The following HECTD2 variants were observed in gnomAD, a reference collection of about 807,000 sequenced individuals.
The protein encoded by HECTD2 is HECT domain E3 ubiquitin protein ligase 2, also known as probable E3 ubiquitin-protein ligase HECTD2.
Under a neutral mutation model 103.2 loss-of-function variants are expected in HECTD2, and 35 were observed. The observed-to-expected ratio is 0.34, with a 90% confidence interval of 0.26 to 0.45. The LOEUF is 0.45. Among genes scored for constraint, HECTD2 ranks in the 20% least tolerant of loss-of-function variants. The probability of loss-of-function intolerance (pLI) is 1.00; values close to 1 mark genes in which losing one functional copy is unlikely to be tolerated. For synonymous variants in HECTD2, 281 were observed against 329.9 expected (o/e 0.85, Z 1.61); for missense variants, 596 against 937.4 (o/e 0.64, Z 4.76).
At chr10:91,456,236 C>A (rs1282138308) in intron 2 of HECTD2, among the ~76,000 whole-genome samples, 4 of 152,100 alleles carry the variant, frequency 2.6e-5, no homozygotes, top group Non-Finnish European at 5.9e-5. Flanking sequence ...TTGTTTATGT[C>A]CTGTTTTATT....
chr10:91,512,063 C>T (rs1440626152), intron 20 of HECTD2, among the ~76,000 whole-genome samples: 1 of 152,132 alleles, frequency 6.6e-6, no homozygotes, highest in African/African-American at 2.4e-5. Context: ...TGTCTGTAAC[C>T]ACAGCCTTAG....
At chr10:91,492,888 ATTAAT>A (rs1846532488) in intron 13 of HECTD2, among the ~76,000 whole-genome samples, 1 of 152,052 alleles carries the variant, frequency 6.6e-6, no homozygotes, top group South Asian at 2.1e-4. Flanking sequence ...GAATTCATGA[ATTAAT>A]TTTTTAAGAA....
At chr10:91,465,509 T>C (rs1433717742) in intron 5 of HECTD2, among the ~76,000 whole-genome samples, 2 of 151,506 alleles carry the variant, frequency 1.3e-5, no homozygotes, top group African/African-American at 4.8e-5. Context: ...AAGTACCAAA[T>C]GAACCTGGAT....
chr10:91,468,654 G>A (rs1845614574), intron 5 of HECTD2, among the ~76,000 whole-genome samples: 2 of 152,058 alleles, frequency 1.3e-5, no homozygotes, highest in Non-Finnish European at 2.9e-5. Context: ...GGAATCTAAA[G>A]AATACAATAA....
At chr10:91,512,141 AG>A in intron 20 of HECTD2, 122 bp from the exon 21 acceptor site, 2 of 990,714 alleles carry the variant, frequency 2.0e-6, no homozygotes, top group Non-Finnish European at 3.0e-6. Context: ...GAAATGGATG[AG>A]TCATCTCTTA....
At chr10:91,501,990 T>G (rs1846920157) in intron 20 of HECTD2, among the ~76,000 whole-genome samples, 1 of 152,112 alleles carries the variant, frequency 6.6e-6, no homozygotes, top group African/African-American at 2.4e-5. Context: ...TAAGTGCTCT[T>G]AGTTCTTCCT....
chr10:91,509,033 C>T (rs1446018825), intron 20 of HECTD2, among the ~76,000 whole-genome samples: 3 of 148,788 alleles, frequency 2.0e-5, no homozygotes, highest in Non-Finnish European at 4.4e-5. Flanking sequence ...AACAAAAAAC[C>T]AAACACCGCA....
At position 91,507,160 on chromosome 10, in the gene HECTD2, C is replaced by T. The variant is rs1331450302; in HGVS notation, c.2211-5104C>T. ...AGAGCTATCTATGACAAACCCACAGCCAATATCATACTGAATGGGCAAAAA... is the reference window on the plus strand; with the variant it reads ...AGAGCTATCTATGACAAACCCACAGTCAATATCATACTGAATGGGCAAAAA... On this transcript the variant is annotated intron_variant, in intron 20 of 20. Coordinates refer to ENST00000298068, the MANE Select transcript of HECTD2 (RefSeq NM_182765.6). 1.2e-3 allele frequency among the ~76,000 whole-genome samples: 178 copies of T among 151,286 alleles called. 1 individual carries two copies. Among genetic ancestry groups the T allele is most frequent in the African/African-American group, 4.2e-3 (175 of 41,258 alleles).
At chr10:91,450,770 G>A (rs1844782233) in intron 2 of HECTD2, among the ~76,000 whole-genome samples, 1 of 151,920 alleles carries the variant, frequency 6.6e-6, no homozygotes, top group African/African-American at 2.4e-5. Flanking sequence ...ATGAAAAAAG[G>A]CTCATCATCA....
chr10:91,432,221 T>A (rs1294581133), intron 2 of HECTD2, among the ~76,000 whole-genome samples: 1 of 152,014 alleles, frequency 6.6e-6, no homozygotes, highest in African/African-American at 2.4e-5. Flanking sequence ...AGATGCCTCA[T>A]TCTTGGCAGT....
intron 20 of HECTD2, among the ~76,000 whole-genome samples, chr10:91,502,596 CAAAAT>C (rs2133356978): frequency 6.6e-6 from 1 of 151,816 alleles, no homozygotes; most frequent in Non-Finnish European, 1.5e-5. Flanking sequence ...ATTTAAAACA[CAAAAT>C]AAATATTTAC....
At chr10:91,458,188 A>G (rs948412712) in intron 2 of HECTD2, among the ~76,000 whole-genome samples, 1 of 151,946 alleles carries the variant, frequency 6.6e-6, no homozygotes, top group African/African-American at 2.4e-5. Flanking sequence ...TATCATTTGT[A>G]ATCACTTAAA....
intron 1 of HECTD2, among the ~76,000 whole-genome samples, chr10:91,420,996 T>A (rs1843335668): frequency 6.6e-6 from 1 of 152,182 alleles, no homozygotes; most frequent in African/African-American, 2.4e-5. Context: ...GCCATGGTAA[T>A]GTGCATAGTA....
chr10:91,443,765 G>A (rs1246530779), intron 2 of HECTD2, among the ~76,000 whole-genome samples: 3 of 152,154 alleles, frequency 2.0e-5, no homozygotes, highest in Non-Finnish European at 4.4e-5. Context: ...AAAATACTAC[G>A]AAACACTCTT....
At position 91,485,844 on chromosome 10, in the gene HECTD2, A is replaced by T. The variant is rs570932115; in HGVS notation, c.1094+541A>T. The T allele has an allele frequency of 5.9e-5, 9 of 152,198 alleles. No individual in the cohort carries two copies. The South Asian group carries it at 1.9e-3, about 32-fold the overall frequency. The allele number at this position is 152,198 out of a possible 1,614,324, so 9.4% of individuals were successfully genotyped here. A position where few individuals can be genotyped will look rare whatever the true frequency, so the allele number is the denominator to read the frequency against. On this transcript the variant is annotated intron_variant, in intron 10 of 20. Coordinates refer to ENST00000298068, the MANE Select transcript of HECTD2 (RefSeq NM_182765.6). ...AGACACACACATACATTCATTTCTC[A>T]TTTCTTTTGTAAGAAAAAGTGGTTG...
intron 2 of HECTD2, 95 bp from the exon 3 acceptor site, chr10:91,460,332 C>A: frequency 9.4e-7 from 1 of 1,063,524 alleles, no homozygotes; most frequent in East Asian, 2.5e-5. Context: ...CAAAATAATT[C>A]ATTTGTTTTC....
At chr10:91,493,852 C>T (rs1228115536) in intron 14 of HECTD2, among the ~76,000 whole-genome samples, 1 of 151,708 alleles carries the variant, frequency 6.6e-6, no homozygotes, top group Admixed American at 6.6e-5. Context: ...TGTTCTTTCA[C>T]TTTGTGCTCA....
chr10:91,469,800 C>T (rs748591729), intron 5 of HECTD2, among the ~76,000 whole-genome samples: 11 of 152,076 alleles, frequency 7.2e-5, no homozygotes, highest in African/African-American at 2.7e-4. Flanking sequence ...GAAGAAAGAC[C>T]AAACTATATG....
chr10:91,462,299 T>G (rs1845383759), intron 5 of HECTD2, 115 bp downstream of exon 5: 6 of 1,216,938 alleles, frequency 4.9e-6, no homozygotes, highest in Non-Finnish European at 6.5e-6. Flanking sequence ...CTGATACAAT[T>G]TTATAGTAAA....
Sources: allele counts gnomAD v4.1 joint callset (sites outside exome capture counted in the v4.1 genomes callset), GRCh38; gene constraint gnomAD v4.1.1; transcripts MANE v1.5; gene names NCBI Gene and HGNC (gene_info 2026-07-23, HGNC 2026-07-21).